Variants in SSBP2 observed in about 807,000 individuals in gnomAD.
SSBP2 encodes single-stranded DNA-binding protein 2.
SSBP2 carries 17 observed loss-of-function variants against 61.8 expected under a neutral mutation model. That is an observed-to-expected ratio of 0.28 (90% confidence interval 0.19 to 0.41). SSBP2 has a LOEUF of 0.41. Among genes scored for constraint, SSBP2 ranks in the 10% least tolerant of loss-of-function variants. The pLI, the probability that SSBP2 is intolerant of heterozygous loss-of-function variation, is 1.00. For synonymous variants in SSBP2, 139 were observed against 141.3 expected, an observed-to-expected ratio of 0.98 and a Z score of 0.12; for missense variants, 310 against 458.7, an observed-to-expected ratio of 0.68 and a Z score of 2.96.
At chr5:81,737,378 T>C (rs981829357) in intron 1 of SSBP2, among the ~76,000 whole-genome samples, 5 of 151,932 alleles carry the variant, frequency 3.3e-5, no homozygotes, top group Non-Finnish European at 2.9e-5. Context: ...GCTGTCCACA[T>C]TTGACATCTC....
chr5:81,653,841 C>G (rs1276031198), intron 1 of SSBP2, among the ~76,000 whole-genome samples: 3 of 152,044 alleles, frequency 2.0e-5, no homozygotes, highest in Non-Finnish European at 2.9e-5. Flanking sequence ...TATATTAGCC[C>G]TTTGTCAGAT....
intron 15 of SSBP2, among the ~76,000 whole-genome samples, chr5:81,432,117 G>GT (rs1416829522): frequency 6.6e-6 from 1 of 152,170 alleles, no homozygotes; most frequent in Non-Finnish European, 1.5e-5. Context: ...GTTTTCTAGA[G>GT]TGTTGTTTTG....
At chr5:81,578,780 T>C (rs543515660) in intron 4 of SSBP2, among the ~76,000 whole-genome samples, 7 of 151,934 alleles carry the variant, frequency 4.6e-5, no homozygotes, top group Non-Finnish European at 7.4e-5. Context: ...ATAGATCTCT[T>C]CATTTTTTTT....
In SSBP2 at chr5:81,750,966, A is replaced by G. The variant is rs368335651; in HGVS notation, c.62+15T>C. On this transcript the variant is annotated intron_variant, in intron 1 of 16. Transcript: ENST00000320672. ...CGTGTGAAGGCGGAGGTGGGTGAGA[A>G]GCGGAGACACTTACTTCTCCCGGGC... 6.3e-7 allele frequency: 1 copy of G among 1,585,738 alleles called. No homozygotes were observed. The highest frequency in any genetic ancestry group is 1.3e-5 in the African/African-American group (1 of 74,404).
At chr5:81,745,754 A>C (rs1757316088) in intron 1 of SSBP2, among the ~76,000 whole-genome samples, 1 of 152,074 alleles carries the variant, frequency 6.6e-6, no homozygotes, top group Non-Finnish European at 1.5e-5. Flanking sequence ...CCCAGGATTA[A>C]TGCAATGGTT....
In SSBP2 at chr5:81,623,220, CAATAT is replaced by C. The variant is rs1746789428; in HGVS notation, c.198-7668_198-7664del. On this transcript the variant is annotated intron_variant, in intron 3 of 16. Coordinates refer to ENST00000320672, the MANE Select transcript of SSBP2 (RefSeq NM_012446.5). The stretch of plus-strand genomic sequence containing the variant: ...ATTACATGCAGCATTATATGACAAA[CAATAT>C]AATATCTCTTCTTCTTTCCTAATTT... Among the ~76,000 whole-genome samples, 5 of 151,846 alleles carry C rather than the reference CAATAT, an allele frequency of 3.3e-5. No individual in the cohort carries two copies. The South Asian group carries it at 8.3e-4, about 25-fold the overall frequency.
At chr5:81,549,212 T>C (rs574401387) in intron 4 of SSBP2, among the ~76,000 whole-genome samples, 2 of 152,306 alleles carry the variant, frequency 1.3e-5, no homozygotes, top group African/African-American at 2.4e-5. Context: ...AACTGTGCCA[T>C]TGAAATAAGT....
chr5:81,706,482 A>G (rs1754405291), intron 1 of SSBP2, among the ~76,000 whole-genome samples: 1 of 152,158 alleles, frequency 6.6e-6, no homozygotes, highest in African/African-American at 2.4e-5. Flanking sequence ...ATCTAAAATA[A>G]AAGTTTTAAT....
chr5:81,559,519 C>A (rs993790994), intron 4 of SSBP2, among the ~76,000 whole-genome samples: 4 of 151,454 alleles, frequency 2.6e-5, no homozygotes, highest in African/African-American at 9.7e-5. Flanking sequence ...AGCCTGGCAA[C>A]AGAGTGAGAT....
In SSBP2 at chr5:81,639,672, T is replaced by G. The variant is rs78933984; in HGVS notation, c.136-3054A>C. 6.1e-3 allele frequency among the ~76,000 whole-genome samples: 934 copies of G among 152,170 alleles called. 8 individuals are homozygous for G. The highest frequency in any genetic ancestry group is 0.021 in the African/African-American group (871 of 41,548). On this transcript the variant is annotated intron_variant, in intron 2 of 16. Transcript: ENST00000320672. ...AAGTATATGCCTTAGTTTTTTTAGC[T>G]TAAATCATAAAAATTATGTAACAAT...
At chr5:81,625,901 G>C (rs1747098378) in intron 3 of SSBP2, among the ~76,000 whole-genome samples, 3 of 152,108 alleles carry the variant, frequency 2.0e-5, no homozygotes, top group Non-Finnish European at 4.4e-5. Context: ...TTTTTTAAAA[G>C]ACAGAACAAA....
chr5:81,651,834 A>T (rs570233933), intron 1 of SSBP2, among the ~76,000 whole-genome samples: 6 of 152,208 alleles, frequency 3.9e-5, no homozygotes, highest in Admixed American at 1.3e-4. Flanking sequence ...TCCACTAGTG[A>T]CTCTCAACTC....
At chr5:81,485,730 C>A (rs892518848) in intron 6 of SSBP2, among the ~76,000 whole-genome samples, 4 of 152,140 alleles carry the variant, frequency 2.6e-5, no homozygotes, top group African/African-American at 9.7e-5. Context: ...AGGCTGATCT[C>A]AAACTCCTGG....
Position 81,667,898 on chromosome 5 carries a change from A to G in SSBP2, c.63-17559T>C, listed in dbSNP as rs565790192. Among the ~76,000 whole-genome samples the G allele has an allele frequency of 6.6e-5, 10 of 152,294 alleles. No homozygotes were observed. The South Asian group carries it at 2.1e-3, about 32-fold the overall frequency. On this transcript the variant is annotated intron_variant, in intron 1 of 16. Coordinates refer to ENST00000320672, the MANE Select transcript of SSBP2 (RefSeq NM_012446.5). The stretch of plus-strand genomic sequence containing the variant: ...GTTATAGGTCTAATTTTGAAGTAGG[A>G]TCAATGGAAAGAGAAACGGTTGACT...
intron 15 of SSBP2, among the ~76,000 whole-genome samples, chr5:81,433,385 T>C (rs10066101): frequency 0.026 from 3,987 of 152,032 alleles, 169 homozygotes; most frequent in African/African-American, 0.091. Flanking sequence ...AAGATGTGCT[T>C]TGTTAAACAG....
chr5:81,638,573 T>C (rs1374523461), intron 2 of SSBP2, among the ~76,000 whole-genome samples: 3 of 151,478 alleles, frequency 2.0e-5, no homozygotes, highest in Admixed American at 1.3e-4. Context: ...TGGTAACTGT[T>C]AGGTGCTATT....
intron 1 of SSBP2, among the ~76,000 whole-genome samples, chr5:81,687,222 T>C (rs1404012822): frequency 1.3e-5 from 2 of 152,174 alleles, no homozygotes; most frequent in East Asian, 1.9e-4. Context: ...GGACTTCGCA[T>C]TGGAACTCAG....
At chr5:81,636,486 A>G (rs1748243034) in intron 3 of SSBP2, 71 bp downstream of exon 3, 1 of 1,150,984 alleles carries the variant, frequency 8.7e-7, no homozygotes, top group Non-Finnish European at 1.2e-6. Flanking sequence ...GCATGAAATC[A>G]TAAACAGGTA....
At chr5:81,479,970 C>T (rs1765865079) in intron 6 of SSBP2, among the ~76,000 whole-genome samples, 1 of 152,122 alleles carries the variant, frequency 6.6e-6, no homozygotes, top group Non-Finnish European at 1.5e-5. Flanking sequence ...CACCCTTCAC[C>T]AGCCCCAGGT....
Sources: allele counts gnomAD v4.1 joint callset (sites outside exome capture counted in the v4.1 genomes callset), GRCh38; gene constraint gnomAD v4.1.1; transcripts MANE v1.5; gene names NCBI Gene and HGNC (gene_info 2026-07-23, HGNC 2026-07-21).